ZFHX3: variants seen among roughly 807,000 people sequenced by gnomAD.
ZFHX3 encodes zinc finger homeobox protein 3.
In ZFHX3, 42 loss-of-function variants were observed where a neutral mutation model predicts 279.1. The observed-to-expected ratio is 0.15, with a 90% CI of 0.12 to 0.19. The LOEUF is 0.19. Ranked by LOEUF, ZFHX3 falls within the 10% of genes least tolerant of loss-of-function variation. The probability of loss-of-function intolerance (pLI) is 1.00; values close to 1 mark genes in which losing one functional copy is unlikely to be tolerated. For synonymous variants in ZFHX3, 2,293 were observed against 1,957.8 expected, an observed-to-expected ratio of 1.17 and a Z score of -4.52; for missense variants, 4,981 against 4,754.0, an observed-to-expected ratio of 1.05 and a Z score of -1.40.
intron 7 of ZFHX3, among the ~76,000 whole-genome samples, chr16:73,108,719 T>C (rs4278773): frequency 0.62 from 94,208 of 152,152 alleles, 29,755 homozygotes; most frequent in African/African-American, 0.73. Flanking sequence ...TTCTCCACTG[T>C]GGTTCTAACA....
At chr16:73,019,311 C>T (rs1004348222) in intron 1 of ZFHX3, among the ~76,000 whole-genome samples, 14 of 151,306 alleles carry the variant, frequency 9.3e-5, no homozygotes, top group Non-Finnish European at 1.5e-4. Flanking sequence ...GCCTCTGAAT[C>T]CTCCACCAGC....
At chr16:73,017,031 G>A (rs1237930237) in intron 1 of ZFHX3, among the ~76,000 whole-genome samples, 2 of 151,978 alleles carry the variant, frequency 1.3e-5, no homozygotes, top group Non-Finnish European at 2.9e-5. Flanking sequence ...TTCAAGACCA[G>A]ACTAGGCAAT....
chr16:72,855,899 A>G (rs895871382), intron 4 of ZFHX3, among the ~76,000 whole-genome samples: 1 of 152,204 alleles, frequency 6.6e-6, no homozygotes, highest in African/African-American at 2.4e-5. Flanking sequence ...GCCAACTGCC[A>G]CCTTCCCCGT....
At position 73,759,004 on chromosome 16, in the gene ZFHX3, C is replaced by A. The variant is rs553544447; in HGVS notation, c.-1607-78764G>T. On this transcript the variant is annotated intron_variant, in intron 1 of 17. Coordinates refer to the ZFHX3 transcript ENST00000641206. ...CAAGTTAATCCAGGTCTACCTGATA[C>A]CAAAGCCTCACTGTTAACCACTGTG... 2.6e-3 allele frequency among the ~76,000 whole-genome samples: 400 copies of A among 152,290 alleles called. 2 individuals carry two copies. The highest frequency in any genetic ancestry group is 4.9e-3 in the Non-Finnish European group (334 of 68,020).
At chr16:73,302,703 G>A (rs78043887) in intron 4 of ZFHX3, among the ~76,000 whole-genome samples, 2,038 of 152,288 alleles carry the variant, frequency 0.013, 45 homozygotes, top group African/African-American at 0.046. Context: ...ACCTCAGGGA[G>A]TCAACAGTGG....
intron 1 of ZFHX3, among the ~76,000 whole-genome samples, chr16:73,734,755 A>G (rs191377822): frequency 4.6e-4 from 70 of 152,314 alleles, no homozygotes; most frequent in African/African-American, 1.6e-3. Flanking sequence ...CAAATTTGAA[A>G]AAATGCTTTC....
At chr16:73,747,084 G>A (rs759037184) in intron 1 of ZFHX3, among the ~76,000 whole-genome samples, 4 of 152,206 alleles carry the variant, frequency 2.6e-5, no homozygotes, top group Non-Finnish European at 4.4e-5. Context: ...TCCCACAGTA[G>A]AAGCAGCTCA....
intron 1 of ZFHX3, among the ~76,000 whole-genome samples, chr16:73,884,712 T>G (rs1435291489): frequency 6.6e-6 from 1 of 152,204 alleles, no homozygotes; most frequent in Non-Finnish European, 1.5e-5. Context: ...AAATAGACTA[T>G]GCTTCAGAAA....
chr16:73,413,107 A>G (rs2017502566), intron 3 of ZFHX3, among the ~76,000 whole-genome samples: 1 of 152,220 alleles, frequency 6.6e-6, no homozygotes, highest in Non-Finnish European at 1.5e-5. Context: ...GGCGATTATG[A>G]ATGATATCAG....
intron 2 of ZFHX3, among the ~76,000 whole-genome samples, chr16:73,573,118 T>A (rs2051759036): frequency 6.6e-6 from 1 of 152,202 alleles, no homozygotes; most frequent in African/African-American, 2.4e-5. Context: ...AGAGTTATAG[T>A]GAATGAGGGG....
intron 3 of ZFHX3, among the ~76,000 whole-genome samples, chr16:73,343,493 G>T (rs1363766312): frequency 6.6e-6 from 1 of 152,194 alleles, no homozygotes; most frequent in Non-Finnish European, 1.5e-5. Context: ...GGGAGGCCGA[G>T]GTGGGAGGAA....
chr16:73,241,584 A>G (rs1254980244), intron 5 of ZFHX3, among the ~76,000 whole-genome samples: 1 of 152,062 alleles, frequency 6.6e-6, no homozygotes, highest in South Asian at 2.1e-4. Context: ...TGAGGTCAGG[A>G]GTTCAAGACC....
At chr16:73,174,607 G>T (rs57691582) in intron 5 of ZFHX3, among the ~76,000 whole-genome samples, 2,340 of 151,898 alleles carry the variant, frequency 0.015, 74 homozygotes, top group African/African-American at 0.055. Flanking sequence ...AACCCTCCTG[G>T]CCCAGTCACA....
chr16:73,433,245 C>T (rs910758573), intron 3 of ZFHX3, among the ~76,000 whole-genome samples: 5 of 152,220 alleles, frequency 3.3e-5, no homozygotes, highest in African/African-American at 9.7e-5. Flanking sequence ...TTTGAAACCC[C>T]ACAAGCTCAG....
chr16:73,241,901 A>T (rs2013136022), intron 5 of ZFHX3, among the ~76,000 whole-genome samples: 1 of 150,842 alleles, frequency 6.6e-6, no homozygotes, highest in Non-Finnish European at 1.5e-5. Flanking sequence ...CTCTCTTATT[A>T]GTATTGTGAT....
chr16:73,408,947 A>C lies in ZFHX3; in HGVS notation c.-1291+47056T>G, dbSNP rs987071413. ...AAGATTATCCCACCCCGCCAAAAAA[A>C]ATGTTGGCTCTCTCCCCATTCATTT... On this transcript the variant is annotated intron_variant, in intron 3 of 17. Transcript: ENST00000641206. Among the ~76,000 whole-genome samples the C allele has an allele frequency of 2.0e-5, 3 of 152,154 alleles. No individual in the cohort carries two copies. The East Asian group carries it at 5.8e-4, about 29-fold the overall frequency.
chr16:73,299,786 CA>C (rs2015009229), intron 4 of ZFHX3, among the ~76,000 whole-genome samples: 1 of 152,072 alleles, frequency 6.6e-6, no homozygotes, highest in Admixed American at 6.5e-5. Flanking sequence ...CGGAAGCAAA[CA>C]AAAGGTAATG....
At chr16:72,984,399 G>C (rs1035298842) in intron 1 of ZFHX3, among the ~76,000 whole-genome samples, 1 of 152,044 alleles carries the variant, frequency 6.6e-6, no homozygotes, top group Non-Finnish European at 1.5e-5. Flanking sequence ...GGCTGAGGTG[G>C]GAGGATCACT....
At position 73,791,933 on chromosome 16, in the gene ZFHX3, T is replaced by C. The variant is rs149109041; in HGVS notation, c.-1608+99718A>G. Reference sequence around the variant, plus strand: ...ATTCAAGCTTACAGAGCCTTCATAGTAGTATAATGATTCGTAGTTTACAGA... The same window carrying C: ...ATTCAAGCTTACAGAGCCTTCATAGCAGTATAATGATTCGTAGTTTACAGA... On this transcript the variant is annotated intron_variant, in intron 1 of 17. Transcript: ENST00000641206. Among the ~76,000 whole-genome samples the C allele has an allele frequency of 1.5e-3, 233 of 152,328 alleles. 1 individual carries two copies. Among genetic ancestry groups the C allele is most frequent in the African/African-American group, 5.4e-3 (223 of 41,570 alleles).
Sources: gnomAD v4.1 joint callset for allele counts (sites outside exome capture counted in the v4.1 genomes callset) on GRCh38, gnomAD v4.1.1 for gene constraint, MANE v1.5 for transcripts, NCBI Gene and HGNC (gene_info 2026-07-23, HGNC 2026-07-21) for gene names.